The following ABCC2 variants were observed in gnomAD, a reference collection of about 807,000 sequenced individuals.
ABCC2 encodes the protein ATP binding cassette subfamily C member 2.
A neutral mutation model predicts 173.4 loss-of-function variants in ABCC2; 157 were observed. That is an observed-to-expected ratio of 0.91 (90% CI 0.80 to 1.03). The LOEUF (loss-of-function observed/expected upper bound fraction) is 1.03, where lower values mean the gene tolerates loss of function less well. Among genes scored for constraint, ABCC2 ranks in the 50% least tolerant of loss-of-function variants. The probability of loss-of-function intolerance (pLI) is 0.00; values close to 1 mark genes in which losing one functional copy is unlikely to be tolerated. For missense variants in ABCC2, 1,822 were observed against 1,852.3 expected (o/e 0.98, Z 0.30); for synonymous variants, 657 against 693.5 (o/e 0.95, Z 0.83).
chr10:99,807,515 A>G lies in ABCC2; in HGVS notation c.1662A>G (p.Pro554=). 1 of 1,614,104 alleles carries G rather than the reference A, an allele frequency of 6.2e-7. No homozygotes were observed. ...TAATATTCGTCTTCCAGTTAACTCCAGTCCTGGTGAGTAGCAGAGGGGTCC... is the reference window on the plus strand; with the variant it reads ...TAATATTCGTCTTCCAGTTAACTCCGGTCCTGGTGAGTAGCAGAGGGGTCC... ...CVVIFVFQLT[P]VLVSVVTFSV... Residue 554 remains proline (P), a synonymous_variant, in exon 12 of 32, where the codon CCA becomes CCG. Transcript: ENST00000647814.
intron 12 of ABCC2, 25 bp downstream of exon 12, chr10:99,807,546 C>T: frequency 6.2e-7 from 1 of 1,613,922 alleles, no homozygotes; most frequent in Non-Finnish European, 8.5e-7. Context: ...GGTCCATGGG[C>T]TGCGTATTCA....
At chr10:99,814,855 G>C (rs1307547358) in intron 16 of ABCC2, among the ~76,000 whole-genome samples, 1 of 150,216 alleles carries the variant, frequency 6.7e-6, no homozygotes, top group Non-Finnish European at 1.5e-5. Flanking sequence ...TCAGGCTGGA[G>C]TGCAATAGCA....
chr10:99,795,775 G>GAA (rs1207731989), intron 6 of ABCC2, among the ~76,000 whole-genome samples: 14 of 145,810 alleles, frequency 9.6e-5, no homozygotes, highest in African/African-American at 3.8e-4. Flanking sequence ...AAGAAAGAAA[G>GAA]AAAGAAAGAA....
intron 13 of ABCC2, 142 bp downstream of exon 13, chr10:99,808,371 G>A: frequency 8.8e-7 from 1 of 1,133,962 alleles, no homozygotes; most frequent in Non-Finnish European, 1.3e-6. Flanking sequence ...GAGACCAATG[G>A]TTTGACCTTA....
In ABCC2 at chr10:99,817,467, G is replaced by A; in HGVS notation, c.2254G>A (p.Ala752Thr). The A allele has an allele frequency of 2.5e-6, 4 of 1,614,134 alleles. No homozygotes were observed. Among genetic ancestry groups the A allele is most frequent in the Non-Finnish European group, 3.4e-6 (4 of 1,180,012 alleles). The change falls in exon 17 of 32, where the codon GCT (alanine) becomes ACT (threonine). Residue 752 changes from alanine to threonine, a missense_variant. Physicochemically the swap from Ala to Thr is moderately conservative, Grantham distance 58. Transcript: ENST00000647814. The stretch of plus-strand genomic sequence containing the variant: ...GGAAATGCTGCCTGGAGGAGATTTG[G>A]CTGAGATTGGAGAGAAGGTACTTGG... Reference protein sequence around the residue: ...DLEMLPGGDLAEIGEKGINLS... With the variant: ...DLEMLPGGDLTEIGEKGINLS...
At chr10:99,845,520 C>G (rs1351499498) in intron 28 of ABCC2, 104 bp from the exon 29 acceptor site, 2 of 1,391,606 alleles carry the variant, frequency 1.4e-6, no homozygotes, top group Non-Finnish European at 2.0e-6. Flanking sequence ...GATGGAGTAG[C>G]CAGTCACTGC....
intron 28 of ABCC2, 76 bp from the exon 29 acceptor site, chr10:99,845,548 T>C: frequency 6.3e-7 from 1 of 1,576,112 alleles, no homozygotes; most frequent in Non-Finnish European, 8.7e-7. Context: ...CTCCTGTGAC[T>C]GTGAATGCCC....
Position 99,836,291 on chromosome 10 carries a change from G to T in ABCC2, c.3614+1G>T. On this transcript the variant is annotated splice_donor_variant, in intron 25 of 31. Transcript: ENST00000647814. LOFTEE classifies it high-confidence loss of function. Reference sequence around the variant, plus strand: ...TCTTTTCCTGGATCACCTCCAACAGGTGAGGCTTCCCCTGGGTATTTACCC... The same window carrying T: ...TCTTTTCCTGGATCACCTCCAACAGTTGAGGCTTCCCCTGGGTATTTACCC... 6.2e-7 allele frequency: 1 copy of T among 1,614,160 alleles called. No individual in the cohort carries two copies. The highest frequency in any genetic ancestry group is 8.5e-7 in the Non-Finnish European group (1 of 1,180,016).
At chr10:99,835,527 G>T (rs2133122958) in intron 24 of ABCC2, among the ~76,000 whole-genome samples, 1 of 151,942 alleles carries the variant, frequency 6.6e-6, no homozygotes, top group South Asian at 2.1e-4. Context: ...ATTCTACCCT[G>T]TTCCAGTTCT....
At chr10:99,835,498 G>C (rs1286674133) in intron 24 of ABCC2, among the ~76,000 whole-genome samples, 1 of 151,964 alleles carries the variant, frequency 6.6e-6, no homozygotes, top group Admixed American at 6.6e-5. Flanking sequence ...TCAGGCCACA[G>C]GGTTCTTCCC....
intron 5 of ABCC2, 83 bp downstream of exon 5, chr10:99,794,082 C>T (rs1036944957): frequency 4.5e-6 from 6 of 1,328,880 alleles, no homozygotes; most frequent in Non-Finnish European, 6.4e-6. Context: ...GTCTGGGTCT[C>T]ACGGAGGCGC....
Position 99,807,467 on chromosome 10 carries a change from C to T in ABCC2, c.1614C>T (p.Ala538=). 2.5e-6 allele frequency: 4 copies of T among 1,614,140 alleles called. No homozygotes were observed. In the East Asian group the frequency reaches 8.9e-5, roughly 36 times the overall value. ...AGAAAGAGCTCAAGAACCTGCTGGC[C>T]TTTAGTCAACTACAGTGTGTAGTAA... ...LRKKELKNLL[A]FSQLQCVVIF... Residue 538 remains alanine, a synonymous_variant, in exon 12 of 32, where the codon GCC becomes GCT. Transcript: ENST00000647814.
At chr10:99,807,915 G>C (rs60190212) in intron 12 of ABCC2, among the ~76,000 whole-genome samples, 168 bp from the exon 13 acceptor site, 1 of 152,144 alleles carries the variant, frequency 6.6e-6, no homozygotes, top group Non-Finnish European at 1.5e-5. Context: ...TGTGACCTTG[G>C]AGAAGATATT....
At chr10:99,848,967 G>A (rs2039053886) in intron 30 of ABCC2, among the ~76,000 whole-genome samples, 1 of 152,214 alleles carries the variant, frequency 6.6e-6, no homozygotes, top group African/African-American at 2.4e-5. Context: ...GCTCATGCCT[G>A]TAATCCCAGC....
intron 7 of ABCC2, 76 bp from the exon 8 acceptor site, chr10:99,799,131 G>A: frequency 6.3e-7 from 1 of 1,576,674 alleles, no homozygotes; most frequent in African/African-American, 1.4e-5. Flanking sequence ...GGGGCTCACA[G>A]GCTGACCACC....
chr10:99,848,008 A>T (rs1277479912), intron 30 of ABCC2, among the ~76,000 whole-genome samples: 1 of 152,206 alleles, frequency 6.6e-6, no homozygotes, highest in Non-Finnish European at 1.5e-5. Flanking sequence ...ATCCCACAGA[A>T]AGCAGAGGCT....
At chr10:99,814,179 G>GTGTGTGTATATACACT (rs2038282545) in intron 16 of ABCC2, among the ~76,000 whole-genome samples, 1 of 97,554 alleles carries the variant, frequency 1.0e-5, no homozygotes, top group African/African-American at 4.0e-5. Flanking sequence ...ATACACACAT[G>GTGTGTGTATATACACT]TATGTATACA....
In ABCC2 at chr10:99,797,342, C is replaced by T; in HGVS notation, c.867+11C>T. 20 of 1,606,762 alleles carry T rather than the reference C, an allele frequency of 1.2e-5. No homozygotes were observed. Among genetic ancestry groups the T allele is most frequent in the Non-Finnish European group, 1.7e-5 (20 of 1,176,486 alleles). On this transcript the variant is annotated intron_variant, in intron 7 of 31. Coordinates refer to ENST00000647814, the MANE Select transcript of ABCC2 (RefSeq NM_000392.5). ...GATGCCCTTGTCCTGGTAACTTTCC[C>T]TTGAGTGTCTGTGTGAGCGCGCTGC...
In ABCC2 at chr10:99,814,140, TAC is replaced by T. The variant is rs1289139110; in HGVS notation, c.2094+1002_2094+1003del. Reference sequence around the variant, plus strand: ...ATATACACACATATGTGTGTATATATACACACATGTATGTATACACACGTATA... The same window carrying T: ...ATATACACACATATGTGTGTATATATACACATGTATGTATACACACGTATA... On this transcript the variant is annotated intron_variant, in intron 16 of 31. Transcript: ENST00000647814. Among the ~76,000 whole-genome samples the T allele has an allele frequency of 3.8e-4, 27 of 70,600 alleles. 7 individuals carry two copies. Among genetic ancestry groups the T allele is most frequent in the African/African-American group, 1.0e-3 (18 of 17,898 alleles). 46.3% of individuals were successfully genotyped at this position (70,600 alleles called of 152,430 possible).
Sources: allele counts gnomAD v4.1 joint callset (sites outside exome capture counted in the v4.1 genomes callset), GRCh38; gene constraint gnomAD v4.1.1; transcripts MANE v1.5; gene names NCBI Gene and HGNC (gene_info 2026-07-23, HGNC 2026-07-21).